Variants in SGCZ observed in about 807,000 individuals in gnomAD.
SGCZ encodes sarcoglycan zeta.
Under a neutral mutation model 41.3 loss-of-function variants are expected in SGCZ, and 40 were observed. The observed-to-expected ratio is 0.97, with a 90% CI of 0.75 to 1.26. The LOEUF (loss-of-function observed/expected upper bound fraction) is 1.26, where lower values mean the gene tolerates loss of function less well. SGCZ is among the 50% of genes most tolerant of loss of function. SGCZ has a pLI of 0.00. For missense variants in SGCZ, 552 were observed against 369.8 expected, an observed-to-expected ratio of 1.49 and a Z score of -4.04; for synonymous variants, 206 against 137.5, an observed-to-expected ratio of 1.50 and a Z score of -3.49.
At chr8:15,001,805 G>A (rs1244001490) in intron 1 of SGCZ, among the ~76,000 whole-genome samples, 1 of 150,162 alleles carries the variant, frequency 6.7e-6, no homozygotes, top group African/African-American at 2.4e-5. Flanking sequence ...GCACTTTCAT[G>A]AAATGCATGC....
At chr8:15,124,015 C>T (rs1039165378) in intron 1 of SGCZ, among the ~76,000 whole-genome samples, 1 of 152,154 alleles carries the variant, frequency 6.6e-6, no homozygotes. Flanking sequence ...GCCTGGCAGC[C>T]TTGCTAGTAA....
chr8:14,096,089 CTT>C (rs1465455603), intron 7 of SGCZ, among the ~76,000 whole-genome samples: 1 of 152,046 alleles, frequency 6.6e-6, no homozygotes, highest in East Asian at 1.9e-4. Context: ...ATTGAAAACT[CTT>C]TATTTCTTTC....
intron 1 of SGCZ, among the ~76,000 whole-genome samples, chr8:14,787,038 T>C (rs1270447081): frequency 6.6e-6 from 1 of 152,126 alleles, no homozygotes; most frequent in Non-Finnish European, 1.5e-5. Context: ...TCAGGAGCAG[T>C]AACATCATAA....
At chr8:14,965,255 C>G (rs555517876) in intron 1 of SGCZ, among the ~76,000 whole-genome samples, 2 of 152,170 alleles carry the variant, frequency 1.3e-5, no homozygotes, top group Non-Finnish European at 2.9e-5. Context: ...ATAGTGCCAC[C>G]CAAATCTGGT....
At chr8:14,972,069 T>A (rs1207987114) in intron 1 of SGCZ, among the ~76,000 whole-genome samples, 2 of 152,184 alleles carry the variant, frequency 1.3e-5, no homozygotes, top group Non-Finnish European at 2.9e-5. Flanking sequence ...TAGTTTTTCT[T>A]CTTTTCGATT....
At chr8:14,990,524 C>A (rs968000273) in intron 1 of SGCZ, among the ~76,000 whole-genome samples, 3 of 152,050 alleles carry the variant, frequency 2.0e-5, no homozygotes, top group African/African-American at 7.2e-5. Flanking sequence ...ACTGAGCATG[C>A]AAGGGATCTA....
chr8:14,924,200 T>A (rs1799674863), intron 1 of SGCZ, among the ~76,000 whole-genome samples: 1 of 152,234 alleles, frequency 6.6e-6, no homozygotes, highest in South Asian at 2.1e-4. Flanking sequence ...TCATTTCTTT[T>A]CTTTCTCCTA....
intron 4 of SGCZ, among the ~76,000 whole-genome samples, chr8:14,229,038 A>C (rs1425597225): frequency 6.6e-6 from 1 of 152,114 alleles, no homozygotes; most frequent in Non-Finnish European, 1.5e-5. Flanking sequence ...GGGTACTTGG[A>C]AAGAGAAGGA....
chr8:14,888,839 A>G (rs1804904681), intron 1 of SGCZ, among the ~76,000 whole-genome samples: 1 of 152,148 alleles, frequency 6.6e-6, no homozygotes, highest in African/African-American at 2.4e-5. Context: ...TTTTTCACAC[A>G]GATTTTTCAA....
At chr8:14,458,612 T>C (rs779673488) in intron 2 of SGCZ, among the ~76,000 whole-genome samples, 1 of 152,092 alleles carries the variant, frequency 6.6e-6, no homozygotes, top group Non-Finnish European at 1.5e-5. Context: ...AATACATAGA[T>C]AAGGAAATAA....
At chr8:14,797,247 G>C (rs569245311) in intron 1 of SGCZ, among the ~76,000 whole-genome samples, 1 of 152,100 alleles carries the variant, frequency 6.6e-6, no homozygotes, top group Non-Finnish European at 1.5e-5. Flanking sequence ...AAGACAGGAA[G>C]ATTTAGAAAA....
In SGCZ at chr8:15,010,391, T is replaced by C. The variant is rs374066217; in HGVS notation, c.39+227194A>G. On this transcript the variant is annotated intron_variant, in intron 1 of 7. Coordinates refer to ENST00000382080, the MANE Select transcript of SGCZ (RefSeq NM_139167.4). ...CTCAACAGAAAACACTTCAAGACTT[T>C]CAGAGTACATTATGTTACTATGTTT... 8.5e-5 allele frequency among the ~76,000 whole-genome samples: 13 copies of C among 152,362 alleles called. No homozygotes were observed. The East Asian group carries it at 2.5e-3, about 29-fold the overall frequency.
intron 3 of SGCZ, among the ~76,000 whole-genome samples, chr8:14,270,959 A>G (rs1049357028): frequency 3.4e-4 from 52 of 152,142 alleles, no homozygotes; most frequent in African/African-American, 1.0e-3. Flanking sequence ...AAAAAACCAA[A>G]CACCACATGT....
rs775818998 is a variant in SGCZ, at chr8:15,237,452, GT to G, written c.39+132del. 1.4e-3 allele frequency: 1,458 copies of G among 1,075,620 alleles called. 2 individuals are homozygous for G. Among genetic ancestry groups the G allele is most frequent in the Non-Finnish European group, 1.8e-3 (1,356 of 737,612 alleles). The allele number at this position is 1,075,620 out of a possible 1,614,324, so 66.6% of individuals were successfully genotyped here. On this transcript the variant is annotated intron_variant, in intron 1 of 7. Transcript: ENST00000382080. ...CAGGGGCGCCTGCGCCCGGGTGCGCGTCCCCCCAACGCCCCCTCGTCGTCCC... is the reference window on the plus strand; with the variant it reads ...CAGGGGCGCCTGCGCCCGGGTGCGCGCCCCCCAACGCCCCCTCGTCGTCCC...
intron 1 of SGCZ, among the ~76,000 whole-genome samples, chr8:14,954,786 T>G (rs1800743559): frequency 6.6e-6 from 1 of 152,162 alleles, no homozygotes; most frequent in Non-Finnish European, 1.5e-5. Flanking sequence ...CATTGCAGCC[T>G]GCGAGATACA....
At chr8:14,688,603 T>C (rs1234688335) in intron 1 of SGCZ, among the ~76,000 whole-genome samples, 1 of 152,180 alleles carries the variant, frequency 6.6e-6, no homozygotes. Context: ...TGTAGCCTTG[T>C]AGTATAGTTT....
chr8:14,449,032 T>A (rs1383353032), intron 2 of SGCZ, among the ~76,000 whole-genome samples: 1 of 152,116 alleles, frequency 6.6e-6, no homozygotes, highest in Non-Finnish European at 1.5e-5. Flanking sequence ...CAGATAGAAG[T>A]GAAAGGACTT....
At chr8:14,663,192 CT>C (rs1351201904) in intron 1 of SGCZ, among the ~76,000 whole-genome samples, 1 of 152,106 alleles carries the variant, frequency 6.6e-6, no homozygotes, top group Non-Finnish European at 1.5e-5. Flanking sequence ...CATAAGAATT[CT>C]TAAATAGGGA....
At chr8:15,128,625 T>C (rs1453955095) in intron 1 of SGCZ, among the ~76,000 whole-genome samples, 1 of 152,186 alleles carries the variant, frequency 6.6e-6, no homozygotes, top group Admixed American at 6.5e-5. Flanking sequence ...GATCCTGGAA[T>C]ACAGTATAAG....
Sources: allele counts gnomAD v4.1 joint callset (sites outside exome capture counted in the v4.1 genomes callset), GRCh38; gene constraint gnomAD v4.1.1; transcripts MANE v1.5; gene names NCBI Gene and HGNC (gene_info 2026-07-23, HGNC 2026-07-21).